Variants in KCTD8 observed in about 807,000 individuals in gnomAD.
KCTD8 encodes the protein potassium channel tetramerization domain containing 8.
In KCTD8, 27 loss-of-function variants were observed where a neutral mutation model predicts 31.5. That is an observed-to-expected ratio of 0.86 (90% CI 0.63 to 1.18). The LOEUF is 1.18. Among genes scored for constraint, KCTD8 ranks in the 50% most tolerant of loss-of-function variants. The probability of loss-of-function intolerance (pLI) is 0.00; values close to 1 mark genes in which losing one functional copy is unlikely to be tolerated. For missense variants in KCTD8, 658 were observed against 647.7 expected, an observed-to-expected ratio of 1.02 and a Z score of -0.17; for synonymous variants, 290 against 280.0, an observed-to-expected ratio of 1.04 and a Z score of -0.36.
chr4:44,308,431 A>G (rs2109397416), intron 1 of KCTD8, among the ~76,000 whole-genome samples: 1 of 152,152 alleles, frequency 6.6e-6, no homozygotes, highest in East Asian at 1.9e-4. Context: ...TGGATTGTGG[A>G]CTAATAATAA....
chr4:44,286,787 G>A (rs1180597157), intron 1 of KCTD8, among the ~76,000 whole-genome samples: 2 of 152,054 alleles, frequency 1.3e-5, no homozygotes, highest in Non-Finnish European at 2.9e-5. Context: ...TGGTTTAGGG[G>A]TAAGGGTAAA....
intron 1 of KCTD8, among the ~76,000 whole-genome samples, chr4:44,282,861 G>C (rs1259064682): frequency 6.6e-6 from 1 of 151,952 alleles, no homozygotes; most frequent in African/African-American, 2.4e-5. Context: ...CAGAAGAAAA[G>C]TCTGAAGCTA....
At chr4:44,292,084 A>G (rs1306382739) in intron 1 of KCTD8, among the ~76,000 whole-genome samples, 1 of 152,094 alleles carries the variant, frequency 6.6e-6, no homozygotes, top group Admixed American at 6.6e-5. Context: ...TTTAGTGAAG[A>G]ACGTGAAGTC....
intron 1 of KCTD8, among the ~76,000 whole-genome samples, chr4:44,255,799 CATAAG>C (rs1320421479): frequency 4.0e-5 from 6 of 151,840 alleles, no homozygotes; most frequent in African/African-American, 1.5e-4. Context: ...TTAGTAAAAA[CATAAG>C]ATAACATCTC....
chr4:44,198,893 C>T (rs1024856457), intron 1 of KCTD8, among the ~76,000 whole-genome samples: 8 of 152,208 alleles, frequency 5.3e-5, no homozygotes, highest in South Asian at 2.1e-4. Flanking sequence ...ACCCAACAGT[C>T]GCTGTCTTCA....
At chr4:44,386,797 C>G (rs536104795) in intron 1 of KCTD8, among the ~76,000 whole-genome samples, 5 of 151,626 alleles carry the variant, frequency 3.3e-5, no homozygotes, top group Non-Finnish European at 7.4e-5. Flanking sequence ...ATCGGCACTC[C>G]TATGTTTAAT....
intron 1 of KCTD8, among the ~76,000 whole-genome samples, chr4:44,303,909 G>T (rs1717719288): frequency 6.6e-6 from 1 of 152,082 alleles, no homozygotes; most frequent in South Asian, 2.1e-4. Flanking sequence ...ATCATTAGCA[G>T]AAAAGGTATT....
chr4:44,365,900 T>C (rs1719619387), intron 1 of KCTD8, among the ~76,000 whole-genome samples: 1 of 152,116 alleles, frequency 6.6e-6, no homozygotes, highest in African/African-American at 2.4e-5. Context: ...TTACATAAAT[T>C]ATGGTCACAC....
chr4:44,272,121 T>TTTTATATATATATATATATATA, intron 1 of KCTD8, among the ~76,000 whole-genome samples: 1 of 142,544 alleles, frequency 7.0e-6, no homozygotes, highest in African/African-American at 2.7e-5. Flanking sequence ...TGGTATTATA[T>TTTTATATATATATATATATATA]TATATATATA....
At chr4:44,326,726 G>GT (rs1718450736) in intron 1 of KCTD8, among the ~76,000 whole-genome samples, 1 of 151,518 alleles carries the variant, frequency 6.6e-6, no homozygotes, top group Admixed American at 6.6e-5. Context: ...GTCTACTTAG[G>GT]TTTTTTCTCT....
At chr4:44,444,470 AT>A (rs1240319444) in intron 1 of KCTD8, among the ~76,000 whole-genome samples, 1 of 152,266 alleles carries the variant, frequency 6.6e-6, no homozygotes, top group Non-Finnish European at 1.5e-5. Context: ...AATTAAATTA[AT>A]TATACTTACT....
At chr4:44,325,490 G>A (rs1221892683) in intron 1 of KCTD8, among the ~76,000 whole-genome samples, 10 of 151,898 alleles carry the variant, frequency 6.6e-5, no homozygotes, top group South Asian at 2.1e-4. Flanking sequence ...AAAATTAAGC[G>A]TGTAACTGGA....
intron 1 of KCTD8, among the ~76,000 whole-genome samples, chr4:44,304,787 G>A (rs1352992117): frequency 6.6e-6 from 1 of 152,062 alleles, no homozygotes; most frequent in Non-Finnish European, 1.5e-5. Context: ...GGGTTAGATG[G>A]AACTGTTCTA....
chr4:44,211,150 C>A (rs547867816), intron 1 of KCTD8, among the ~76,000 whole-genome samples: 1 of 152,106 alleles, frequency 6.6e-6, no homozygotes, highest in Middle Eastern at 3.2e-3. Flanking sequence ...CATATAAATT[C>A]ATATATACAA....
intron 1 of KCTD8, among the ~76,000 whole-genome samples, chr4:44,225,457 T>C (rs1714929157): frequency 6.6e-6 from 1 of 152,200 alleles, no homozygotes. Flanking sequence ...AAAGGCAGAG[T>C]TGAGAAGTTG....
intron 1 of KCTD8, among the ~76,000 whole-genome samples, chr4:44,301,957 C>A (rs959060636): frequency 2.6e-4 from 40 of 152,274 alleles, no homozygotes; most frequent in African/African-American, 7.9e-4. Flanking sequence ...TTTCCCAGCA[C>A]CATTTATTAA....
chr4:44,201,971 G>T (rs1487085424), intron 1 of KCTD8, among the ~76,000 whole-genome samples: 3 of 151,998 alleles, frequency 2.0e-5, no homozygotes, highest in Admixed American at 1.3e-4. Context: ...CTGCTTTAAA[G>T]AATGGCCAAA....
At chr4:44,180,765 T>C (rs1713357799) in intron 1 of KCTD8, among the ~76,000 whole-genome samples, 1 of 152,142 alleles carries the variant, frequency 6.6e-6, no homozygotes, top group Non-Finnish European at 1.5e-5. Flanking sequence ...TTCTTTTTGG[T>C]TAATATTTTG....
chr4:44,228,574 C>A (rs1044854993), intron 1 of KCTD8, among the ~76,000 whole-genome samples: 4 of 152,200 alleles, frequency 2.6e-5, no homozygotes, highest in Non-Finnish European at 5.9e-5. Flanking sequence ...AATTCACTTG[C>A]TTTTGCCTTT....
Sources: gnomAD v4.1 joint callset for allele counts (sites outside exome capture counted in the v4.1 genomes callset) on GRCh38, gnomAD v4.1.1 for gene constraint, MANE v1.5 for transcripts, NCBI Gene and HGNC (gene_info 2026-07-23, HGNC 2026-07-21) for gene names.